EDEM3: variants seen among roughly 807,000 people sequenced by gnomAD.
EDEM3 encodes the protein ER degradation enhancing alpha-mannosidase like protein 3.
Under a neutral mutation model 110.2 loss-of-function variants are expected in EDEM3, and 60 were observed. The observed-to-expected ratio is 0.54, with a 90% CI of 0.44 to 0.67. The LOEUF is 0.67. EDEM3 is among the 30% of genes least tolerant of loss of function. The pLI, the probability that EDEM3 is intolerant of heterozygous loss-of-function variation, is 0.00. For synonymous variants in EDEM3, 352 were observed against 382.9 expected, an observed-to-expected ratio of 0.92 and a Z score of 0.94; for missense variants, 996 against 1,121.0, an observed-to-expected ratio of 0.89 and a Z score of 1.59.
intron 4 of EDEM3, among the ~76,000 whole-genome samples, chr1:184,736,713 G>A (rs907885238): frequency 1.3e-5 from 2 of 152,054 alleles, no homozygotes; most frequent in Non-Finnish European, 2.9e-5. Context: ...CAACATCAAT[G>A]ATATTTTCTA....
At chr1:184,700,065 T>A (rs1248011676) in intron 19 of EDEM3, among the ~76,000 whole-genome samples, 1 of 151,978 alleles carries the variant, frequency 6.6e-6, no homozygotes, top group East Asian at 1.9e-4. Context: ...AACAATAGAC[T>A]GTGGATAGCT....
intron 12 of EDEM3, 72 bp downstream of exon 12, chr1:184,717,468 A>T: frequency 7.9e-7 from 1 of 1,265,524 alleles, no homozygotes; most frequent in East Asian, 2.4e-5. Flanking sequence ...CCCAATTACT[A>T]TTATGAAAGA....
intron 8 of EDEM3, among the ~76,000 whole-genome samples, chr1:184,722,270 G>A (rs898428223): frequency 3.3e-5 from 5 of 151,818 alleles, no homozygotes; most frequent in African/African-American, 1.2e-4. Flanking sequence ...AACATATTAT[G>A]TTATTTTAAA....
chr1:184,705,672 T>A (rs772516482), intron 18 of EDEM3, among the ~76,000 whole-genome samples: 1 of 152,146 alleles, frequency 6.6e-6, no homozygotes, highest in Admixed American at 6.6e-5. Context: ...TATTTTTTTT[T>A]ATTTACCTTA....
At chr1:184,736,526 C>T (rs1246352075) in intron 4 of EDEM3, among the ~76,000 whole-genome samples, 2 of 152,234 alleles carry the variant, frequency 1.3e-5, no homozygotes, top group Non-Finnish European at 2.9e-5. Context: ...TCATCACAAA[C>T]AGTCCTGAAC....
At chr1:184,722,928 T>C (rs970314630) in intron 8 of EDEM3, among the ~76,000 whole-genome samples, 5 of 151,954 alleles carry the variant, frequency 3.3e-5, no homozygotes, top group Admixed American at 1.3e-4. Context: ...TCATATAACA[T>C]TGTTACATGT....
At chr1:184,707,034 A>C in intron 17 of EDEM3, among the ~76,000 whole-genome samples, 1 of 152,172 alleles carries the variant, frequency 6.6e-6, no homozygotes, top group East Asian at 1.9e-4. Flanking sequence ...TTTTTATATA[A>C]ACTACAAAAT....
At chr1:184,746,591 T>C (rs1338531313) in intron 2 of EDEM3, among the ~76,000 whole-genome samples, 2 of 152,212 alleles carry the variant, frequency 1.3e-5, no homozygotes, top group African/African-American at 4.8e-5. Context: ...GTCTTCATTT[T>C]GCAGAGATGA....
intron 18 of EDEM3, among the ~76,000 whole-genome samples, chr1:184,706,302 C>G (rs1034816443): frequency 6.6e-6 from 1 of 152,132 alleles, no homozygotes; most frequent in Non-Finnish European, 1.5e-5. Flanking sequence ...CCCCACTGGA[C>G]GTGGCACAGT....
chr1:184,749,957 G>A (rs1652662934), intron 1 of EDEM3, among the ~76,000 whole-genome samples: 1 of 152,048 alleles, frequency 6.6e-6, no homozygotes, highest in Non-Finnish European at 1.5e-5. Context: ...CTTGAAGCGG[G>A]GGTTTTGCTG....
chr1:184,742,272 T>A (rs1165353981), intron 2 of EDEM3, among the ~76,000 whole-genome samples: 1 of 152,180 alleles, frequency 6.6e-6, no homozygotes, highest in Non-Finnish European at 1.5e-5. Flanking sequence ...AATGATCCAT[T>A]CCTGGGTAGA....
intron 4 of EDEM3, among the ~76,000 whole-genome samples, chr1:184,736,311 A>G (rs544691566): frequency 5.3e-5 from 8 of 152,286 alleles, no homozygotes; most frequent in Non-Finnish European, 8.8e-5. Flanking sequence ...CCCAGTTCCA[A>G]AAAATTTCTG....
rs1375377034 is a variant in EDEM3 at position 184,693,997 on chromosome 1, AT to A, written c.*65del. 237 of 1,504,014 alleles carry A rather than the reference AT, an allele frequency of 1.6e-4. No homozygotes were observed. In the African/African-American group the frequency reaches 2.8e-3, roughly 18 times the overall value. The allele number at this position is 1,504,014 out of a possible 1,614,324, so 93.2% of individuals were successfully genotyped here. On this transcript the variant is annotated 3_prime_UTR_variant, in exon 20 of 20. Coordinates refer to ENST00000318130, the MANE Select transcript of EDEM3 (RefSeq NM_025191.4). Reference sequence around the variant, plus strand: ...ATTAGAAAGCCTGCTTAGTATTAGGATGTCTATTAACCACACACAGTTTACC... The same window carrying A: ...ATTAGAAAGCCTGCTTAGTATTAGGAGTCTATTAACCACACACAGTTTACC...
chr1:184,702,925 CATCTGTA>C lies in EDEM3; in HGVS notation c.2268_2274del (p.Asp756GlufsTer28). ...AAGAACAGCATGGGGATCTTGATGT[CATCTGTA>C]TCCTTTCCATCACCTGCCATCTGGA... On this transcript the variant is annotated frameshift_variant, in exon 19 of 20. Transcript: ENST00000318130. LOFTEE classifies it high-confidence loss of function. 6.2e-7 allele frequency: 1 copy of C among 1,613,636 alleles called. No individual in the cohort carries two copies. The highest frequency in any genetic ancestry group is 8.5e-7 in the Non-Finnish European group (1 of 1,179,780).
chr1:184,722,794 GAA>G (rs1650974922), intron 8 of EDEM3, among the ~76,000 whole-genome samples: 1 of 151,538 alleles, frequency 6.6e-6, no homozygotes, highest in South Asian at 2.1e-4. Flanking sequence ...TAGAAATAGA[GAA>G]AATGTATAAA....
chr1:184,751,156 A>G (rs1020306485), intron 1 of EDEM3, among the ~76,000 whole-genome samples: 6 of 146,238 alleles, frequency 4.1e-5, no homozygotes, highest in Non-Finnish European at 4.6e-5. Flanking sequence ...TTGTAAGTTT[A>G]CATATATATA....
chr1:184,742,838 T>C lies in EDEM3; in HGVS notation c.205-5127A>G, dbSNP rs78152485. On this transcript the variant is annotated intron_variant, in intron 2 of 19. Transcript: ENST00000318130. Reference sequence around the variant, plus strand: ...ACATATAAACAACACTTAGAAGAAATACAAAAATTTTTTAAAATTCCTAAT... The same window carrying C: ...ACATATAAACAACACTTAGAAGAAACACAAAAATTTTTTAAAATTCCTAAT... 2.8e-3 allele frequency among the ~76,000 whole-genome samples: 434 copies of C among 152,332 alleles called. 5 individuals are homozygous for C. In the East Asian group the frequency reaches 0.036, roughly 13 times the overall value.
intron 2 of EDEM3, among the ~76,000 whole-genome samples, chr1:184,739,737 G>A (rs967657092): frequency 6.6e-6 from 1 of 151,594 alleles, no homozygotes; most frequent in Admixed American, 6.6e-5. Context: ...AGTACATGGA[G>A]GAATCTTCCT....
At chr1:184,720,509 C>CTTTTTTTTTTTTTTTTTTTTTTTTTTTT (rs34268021) in intron 9 of EDEM3, 6 of 127,442 alleles carry the variant, frequency 4.7e-5, no homozygotes, top group African/African-American at 1.9e-4. Context: ...ATCTCCCATA[C>CTTTTTTTTTTTTTTTTTTTTTTTTTTTT]TTTTTTTTTT....
Sources: gnomAD v4.1 joint callset for allele counts (sites outside exome capture counted in the v4.1 genomes callset) on GRCh38, gnomAD v4.1.1 for gene constraint, MANE v1.5 for transcripts, NCBI Gene and HGNC (gene_info 2026-07-23, HGNC 2026-07-21) for gene names.